Variants in CDH12 observed in about 807,000 individuals in gnomAD.
CDH12 encodes the protein cadherin 12, also known as cadherin-12.
A neutral mutation model predicts 74.1 loss-of-function variants in CDH12; 41 were observed. The observed-to-expected ratio is 0.55, with a 90% CI of 0.43 to 0.72. The LOEUF (loss-of-function observed/expected upper bound fraction) is 0.72, where lower values mean the gene tolerates loss of function less well. Ranked by LOEUF, CDH12 falls within the 30% of genes least tolerant of loss-of-function variation. CDH12 has a pLI of 0.00. For synonymous variants in CDH12, 399 were observed against 355.0 expected (o/e 1.12, Z -1.39); for missense variants, 945 against 977.2 (o/e 0.97, Z 0.44).
chr5:22,167,202 T>C (rs1011546456), intron 4 of CDH12, among the ~76,000 whole-genome samples: 10 of 152,174 alleles, frequency 6.6e-5, no homozygotes, highest in Non-Finnish European at 1.2e-4. Context: ...ATGGATGTGG[T>C]TTGTGAAACA....
intron 3 of CDH12, among the ~76,000 whole-genome samples, chr5:22,312,015 C>G (rs946214838): frequency 3.3e-5 from 5 of 151,918 alleles, no homozygotes; most frequent in Non-Finnish European, 7.4e-5. Flanking sequence ...AAAATGGAAG[C>G]TAAAAATAAT....
intron 10 of CDH12, among the ~76,000 whole-genome samples, chr5:21,796,148 C>T (rs971795440): frequency 6.6e-6 from 1 of 151,994 alleles, no homozygotes; most frequent in Non-Finnish European, 1.5e-5. Context: ...ACAGATGCCC[C>T]TTGACTTACC....
At chr5:22,411,544 G>T (rs778815096) in intron 2 of CDH12, among the ~76,000 whole-genome samples, 13 of 151,960 alleles carry the variant, frequency 8.6e-5, no homozygotes, top group Non-Finnish European at 1.9e-4. Context: ...GAGCTCAAAA[G>T]ATTAAAGCTA....
In CDH12 at chr5:21,954,499, T is replaced by C. The variant is rs181023422; in HGVS notation, c.526+20592A>G. Reference sequence around the variant, plus strand: ...TGACTTTATTCTTTATGAAGAAAAATACAGTGATTCCAAGTTACCAAGTTA... The same window carrying C: ...TGACTTTATTCTTTATGAAGAAAAACACAGTGATTCCAAGTTACCAAGTTA... On this transcript the variant is annotated intron_variant, in intron 6 of 14. Coordinates refer to ENST00000382254, the MANE Select transcript of CDH12 (RefSeq NM_004061.5). Among the ~76,000 whole-genome samples, 8 of 152,222 alleles carry C rather than the reference T, an allele frequency of 5.3e-5. No homozygotes were observed. In the East Asian group the frequency reaches 1.5e-3, roughly 29 times the overall value.
chr5:22,713,883 C>T (rs928211365), intron 1 of CDH12, among the ~76,000 whole-genome samples: 2 of 152,088 alleles, frequency 1.3e-5, no homozygotes, highest in Non-Finnish European at 2.9e-5. Flanking sequence ...ATGCTATTAC[C>T]AATGTATCAC....
chr5:22,464,819 T>C (rs1461620296), intron 2 of CDH12, among the ~76,000 whole-genome samples: 6 of 151,954 alleles, frequency 3.9e-5, no homozygotes, highest in Non-Finnish European at 8.8e-5. Flanking sequence ...CTGGTTAACA[T>C]GGTGAAACCC....
In CDH12 at chr5:21,888,946, G is replaced by A. The variant is rs149376399; in HGVS notation, c.527-34156C>T. On this transcript the variant is annotated intron_variant, in intron 6 of 14. Transcript: ENST00000382254. ...AGGGCATGCTTGTATATACAAATAG[G>A]TGCATATTAGAAAATTAGAAATAAG... is the stretch of plus-strand genomic sequence containing the variant. 7.0e-3 allele frequency among the ~76,000 whole-genome samples: 1,064 copies of A among 151,896 alleles called. 8 individuals carry two copies. Among genetic ancestry groups the A allele is most frequent in the African/African-American group, 0.024 (999 of 41,468 alleles).
At chr5:22,656,301 T>A (rs531376167) in intron 1 of CDH12, among the ~76,000 whole-genome samples, 1 of 152,220 alleles carries the variant, frequency 6.6e-6, no homozygotes. Context: ...CTGGTTCAGA[T>A]TGAATATTTA....
chr5:22,714,038 C>G (rs901088794), intron 1 of CDH12, among the ~76,000 whole-genome samples: 4 of 152,178 alleles, frequency 2.6e-5, no homozygotes, highest in Non-Finnish European at 4.4e-5. Context: ...AATTCTCTCT[C>G]TTTTATTTTT....
chr5:22,797,874 T>A (rs145329069), intron 1 of CDH12, among the ~76,000 whole-genome samples: 82 of 152,328 alleles, frequency 5.4e-4, no homozygotes, highest in African/African-American at 1.9e-3. Flanking sequence ...AAAATGCCAA[T>A]AACAATAGCC....
chr5:22,412,825 C>A (rs1254473203), intron 2 of CDH12, among the ~76,000 whole-genome samples: 1 of 151,884 alleles, frequency 6.6e-6, no homozygotes, highest in East Asian at 1.9e-4. Flanking sequence ...GTGCTTTATA[C>A]CTCTATTCTT....
intron 1 of CDH12, among the ~76,000 whole-genome samples, chr5:22,820,774 G>A (rs1749656588): frequency 6.6e-6 from 1 of 152,126 alleles, no homozygotes; most frequent in East Asian, 1.9e-4. Flanking sequence ...TCCAGAACCA[G>A]ATGAATTCAC....
intron 4 of CDH12, among the ~76,000 whole-genome samples, chr5:22,201,617 T>A (rs1395695020): frequency 6.6e-6 from 1 of 152,144 alleles, no homozygotes; most frequent in Non-Finnish European, 1.5e-5. Flanking sequence ...GACTTCACCC[T>A]ATGCAATATA....
intron 3 of CDH12, among the ~76,000 whole-genome samples, chr5:22,343,321 C>CAGAGAG (rs1283582617): frequency 8.1e-6 from 1 of 124,214 alleles, no homozygotes; most frequent in African/African-American, 3.7e-5. Flanking sequence ...CAGACACACA[C>CAGAGAG]ACAGAGAGAG....
At chr5:22,134,424 G>T (rs1214067446) in intron 4 of CDH12, among the ~76,000 whole-genome samples, 1 of 152,028 alleles carries the variant, frequency 6.6e-6, no homozygotes, top group Non-Finnish European at 1.5e-5. Context: ...GTGGGGTGTA[G>T]TTGGGTGATC....
At chr5:22,758,120 G>A (rs938543026) in intron 1 of CDH12, among the ~76,000 whole-genome samples, 2 of 152,146 alleles carry the variant, frequency 1.3e-5, no homozygotes, top group South Asian at 4.1e-4. Context: ...GCAGGCGGCC[G>A]ATACCCATGG....
At chr5:22,142,562 G>A in intron 4 of CDH12, 3 of 744,890 alleles carry the variant, frequency 4.0e-6, no homozygotes, top group African/African-American at 3.6e-5. Flanking sequence ...TAAATTTCCT[G>A]TAGGAAGGAG....
intron 1 of CDH12, among the ~76,000 whole-genome samples, chr5:22,655,572 T>C (rs1739991472): frequency 6.6e-6 from 1 of 152,210 alleles, no homozygotes; most frequent in Non-Finnish European, 1.5e-5. Context: ...AAGAAGGACC[T>C]ACAATTTTAA....
chr5:22,465,806 T>C (rs1201714400), intron 2 of CDH12, among the ~76,000 whole-genome samples: 1 of 152,184 alleles, frequency 6.6e-6, no homozygotes, highest in Non-Finnish European at 1.5e-5. Context: ...AAGGCATCCA[T>C]TGCTCACCAT....
Sources: allele counts gnomAD v4.1 joint callset (sites outside exome capture counted in the v4.1 genomes callset), GRCh38; gene constraint gnomAD v4.1.1; transcripts MANE v1.5; gene names NCBI Gene and HGNC (gene_info 2026-07-23, HGNC 2026-07-21).